HECW1: variants seen among roughly 807,000 people sequenced by gnomAD.
HECW1 encodes the protein E3 ubiquitin-protein ligase HECW1.
A neutral mutation model predicts 182.3 loss-of-function variants in HECW1; 61 were observed. The ratio of observed to expected loss-of-function variants is 0.33; its 90% confidence interval spans 0.27 to 0.41. HECW1 has a LOEUF of 0.41. Among genes scored for constraint, HECW1 ranks in the 10% least tolerant of loss-of-function variants. The pLI, the probability that HECW1 is intolerant of heterozygous loss-of-function variation, is 1.00. For synonymous variants in HECW1, 859 were observed against 832.6 expected (o/e 1.03, Z -0.55); for missense variants, 1,739 against 2,108.9 (o/e 0.82, Z 3.44).
At position 43,501,147 on chromosome 7, in the gene HECW1, CTT is replaced by C; in HGVS notation, c.3522-64_3522-63del. The C allele has an allele frequency of 7.7e-6, 7 of 910,010 alleles. No homozygotes were observed. The South Asian group carries it at 1.1e-4, about 14-fold the overall frequency. 56.4% of individuals were successfully genotyped at this position (910,010 alleles called of 1,614,324 possible). On this transcript the variant is annotated intron_variant, in intron 20 of 29. Transcript: ENST00000395891. ...GTGCTGCTACCCCAATTCGTGAACA[CTT>C]TCTCAGGGATGTAAAACTGACTTTC... is the stretch of plus-strand genomic sequence containing the variant.
At chr7:43,200,743 G>C (rs975194736) in intron 2 of HECW1, among the ~76,000 whole-genome samples, 1 of 152,116 alleles carries the variant, frequency 6.6e-6, no homozygotes, top group African/African-American at 2.4e-5. Flanking sequence ...GAAGAAACAG[G>C]GTCTTCAAAA....
intron 2 of HECW1, chr7:43,118,363 G>A (rs1785248747): frequency 6.6e-6 from 1 of 152,616 alleles, no homozygotes. Flanking sequence ...TCAAGTCAGA[G>A]CAGTTGGAGA....
chr7:43,233,175 A>G (rs1365690499), intron 2 of HECW1, among the ~76,000 whole-genome samples: 1 of 152,120 alleles, frequency 6.6e-6, no homozygotes, highest in African/African-American at 2.4e-5. Flanking sequence ...TAATGTTTTC[A>G]TATATATTCA....
intron 11 of HECW1, among the ~76,000 whole-genome samples, chr7:43,450,236 G>A (rs1372766488): frequency 6.6e-6 from 1 of 151,874 alleles, no homozygotes; most frequent in Non-Finnish European, 1.5e-5. Flanking sequence ...CAGCCCCTTG[G>A]CTCCCCTCCC....
intron 24 of HECW1, among the ~76,000 whole-genome samples, 165 bp from the exon 25 acceptor site, chr7:43,540,998 G>T (rs1162995984): frequency 6.6e-6 from 1 of 152,212 alleles, no homozygotes; most frequent in Admixed American, 6.5e-5. Context: ...ATTGTTCATG[G>T]TAAAGCAAAA....
chr7:43,181,242 G>C (rs7809124), intron 2 of HECW1, among the ~76,000 whole-genome samples: 37,627 of 150,636 alleles, frequency 0.25, 5,721 homozygotes, highest in African/African-American at 0.28. Flanking sequence ...ATCCATTCAT[G>C]TCTTGATGGA....
chr7:43,558,454 T>C (rs1422456569), intron 29 of HECW1, among the ~76,000 whole-genome samples: 2 of 152,146 alleles, frequency 1.3e-5, no homozygotes, highest in East Asian at 1.9e-4. Context: ...GTTTACTCTG[T>C]AGCAGTGATT....
chr7:43,131,976 G>T lies in HECW1; in HGVS notation c.-32+17585G>T, dbSNP rs537387810. Among the ~76,000 whole-genome samples the T allele has an allele frequency of 3.9e-5, 6 of 152,340 alleles. No individual in the cohort carries two copies. The East Asian group carries it at 1.2e-3, about 29-fold the overall frequency. On this transcript the variant is annotated intron_variant, in intron 2 of 29. Transcript: ENST00000395891. ...AGGGAAAGGTGGCCTGGGGGCCTGG[G>T]TTACAAGGGCATCGAGTGGGGAAAA...
chr7:43,377,803 A>C, intron 6 of HECW1: 1 of 202,670 alleles, frequency 4.9e-6, no homozygotes, highest in Admixed American at 6.0e-5. Flanking sequence ...CTTGGATCAA[A>C]GGGAAGTCTG....
At chr7:43,182,564 G>A (rs543484177) in intron 2 of HECW1, among the ~76,000 whole-genome samples, 2 of 152,324 alleles carry the variant, frequency 1.3e-5, no homozygotes, top group African/African-American at 2.4e-5. Flanking sequence ...TAGCTTTGCA[G>A]TATATTTTGA....
At chr7:43,550,363 G>C in intron 26 of HECW1, 82 bp from the exon 27 acceptor site, 1 of 1,499,128 alleles carries the variant, frequency 6.7e-7, no homozygotes, top group South Asian at 1.2e-5. Flanking sequence ...TTTGGCATAC[G>C]GTCATCCCCC....
At chr7:43,222,852 C>T (rs964321847) in intron 2 of HECW1, among the ~76,000 whole-genome samples, 1 of 152,162 alleles carries the variant, frequency 6.6e-6, no homozygotes, top group East Asian at 1.9e-4. Context: ...CCTGTCTCCA[C>T]TCCCTGCCCT....
At chr7:43,286,165 G>A (rs1257173636) in intron 3 of HECW1, among the ~76,000 whole-genome samples, 2 of 152,206 alleles carry the variant, frequency 1.3e-5, no homozygotes, top group Non-Finnish European at 2.9e-5. Flanking sequence ...TGACTTGGAG[G>A]GAGGGCAGGT....
chr7:43,254,404 T>C (rs1290775427), intron 3 of HECW1, among the ~76,000 whole-genome samples: 1 of 152,200 alleles, frequency 6.6e-6, no homozygotes, highest in Admixed American at 6.5e-5. Context: ...TTTTCATGAA[T>C]TCGTTCAGGT....
chr7:43,187,652 C>T (rs1265080570), intron 2 of HECW1, among the ~76,000 whole-genome samples: 2 of 151,710 alleles, frequency 1.3e-5, no homozygotes, highest in East Asian at 3.9e-4. Flanking sequence ...TTATAATTTT[C>T]TTTTCTATAT....
rs750828862 is a variant in HECW1 at position 43,445,524 on chromosome 7, G to A, written c.2352G>A (p.Pro784=). ...CTAGCGGGCACGTGGAAAGAAGCCC[G>A]GAAGGTCTGGAATCCCCCGTGGCAG... ...AAPSGHVERS[P]EGLESPVAGP... The change falls in exon 11 of 30, where the codon CCG becomes CCA. Residue 784 remains proline (P), a synonymous_variant. Transcript: ENST00000395891. 8.7e-6 allele frequency: 14 copies of A among 1,608,216 alleles called. No homozygotes were observed. The highest frequency in any genetic ancestry group is 3.3e-5 in the Admixed American group (2 of 59,722).
chr7:43,339,306 T>C (rs2152798972), intron 5 of HECW1, among the ~76,000 whole-genome samples: 1 of 152,250 alleles, frequency 6.6e-6, no homozygotes, highest in Admixed American at 6.5e-5. Flanking sequence ...CCCCTTTCTT[T>C]CCTCTACCTT....
chr7:43,323,392 G>A (rs1002111026), intron 5 of HECW1, among the ~76,000 whole-genome samples: 9 of 152,004 alleles, frequency 5.9e-5, no homozygotes, highest in Non-Finnish European at 1.2e-4. Context: ...CCAGGAGTTC[G>A]AGACCAACCT....
intron 6 of HECW1, among the ~76,000 whole-genome samples, chr7:43,387,260 G>C (rs2074837289): frequency 6.6e-6 from 1 of 151,890 alleles, no homozygotes; most frequent in African/African-American, 2.4e-5. Flanking sequence ...CGAGGTTATG[G>C]AAACGGATTC....
Sources: gnomAD v4.1 joint callset for allele counts (sites outside exome capture counted in the v4.1 genomes callset) on GRCh38, gnomAD v4.1.1 for gene constraint, MANE v1.5 for transcripts, NCBI Gene and HGNC (gene_info 2026-07-23, HGNC 2026-07-21) for gene names.